The following WDR70 variants were observed in gnomAD, a reference collection of about 807,000 sequenced individuals.
WDR70 encodes the protein WD repeat domain 70.
In WDR70, 53 loss-of-function variants were observed where a neutral mutation model predicts 88.6. The ratio of observed to expected loss-of-function variants is 0.60; its 90% CI spans 0.48 to 0.75. The LOEUF is 0.75. Ranked by LOEUF, WDR70 falls within the 30% of genes least tolerant of loss-of-function variation. The probability of loss-of-function intolerance (pLI) is 0.00; values close to 1 mark genes in which losing one functional copy is unlikely to be tolerated. For synonymous variants in WDR70, 280 were observed against 270.0 expected, an observed-to-expected ratio of 1.04 and a Z score of -0.36; for missense variants, 610 against 823.2, an observed-to-expected ratio of 0.74 and a Z score of 3.17.
At position 37,480,072 on chromosome 5, in the gene WDR70, C is replaced by T. The variant is rs553678089; in HGVS notation, c.840+85C>T. On this transcript the variant is annotated intron_variant, in intron 8 of 17. Coordinates refer to ENST00000265107, the MANE Select transcript of WDR70 (RefSeq NM_018034.4). Reference sequence around the variant, plus strand: ...TTGAGTTATCATGTAATAATTTTCCCCAAAAGTTAGTGTCATAAAACAATA... The same window carrying T: ...TTGAGTTATCATGTAATAATTTTCCTCAAAAGTTAGTGTCATAAAACAATA... 5 of 1,493,482 alleles carry T rather than the reference C, an allele frequency of 3.3e-6. No individual in the cohort carries two copies. The South Asian group carries it at 6.7e-5, about 20-fold the overall frequency. 92.5% of individuals were successfully genotyped at this position (1,493,482 alleles called of 1,614,324 possible).
intron 16 of WDR70, 94 bp downstream of exon 16, chr5:37,725,144 C>A (rs191782236): frequency 2.1e-6 from 2 of 959,414 alleles, no homozygotes; most frequent in African/African-American, 1.7e-5. Context: ...GGCCTGGATG[C>A]TTCTTTGTCT....
chr5:37,404,181 A>G (rs957524106), intron 5 of WDR70, among the ~76,000 whole-genome samples: 2 of 152,204 alleles, frequency 1.3e-5, no homozygotes, highest in African/African-American at 4.8e-5. Flanking sequence ...TGTATTATTT[A>G]TAATAAAAGG....
intron 17 of WDR70, among the ~76,000 whole-genome samples, chr5:37,729,503 T>A (rs1286703189): frequency 6.6e-6 from 1 of 152,184 alleles, no homozygotes; most frequent in Non-Finnish European, 1.5e-5. Context: ...TGTAACTTCT[T>A]TCTCCGTTAA....
intron 10 of WDR70, among the ~76,000 whole-genome samples, chr5:37,650,939 A>C (rs1470831408): frequency 6.6e-6 from 1 of 151,192 alleles, no homozygotes; most frequent in Non-Finnish European, 1.5e-5. Context: ...TTCCTTTCAG[A>C]ACTTCAATCT....
chr5:37,414,771 A>C (rs1282487333), intron 5 of WDR70, among the ~76,000 whole-genome samples: 1 of 151,116 alleles, frequency 6.6e-6, no homozygotes. Context: ...CTTCTGATCT[A>C]GTCACAATTA....
chr5:37,711,017 G>C (rs1275700354), intron 13 of WDR70, among the ~76,000 whole-genome samples: 1 of 152,016 alleles, frequency 6.6e-6, no homozygotes, highest in Non-Finnish European at 1.5e-5. Context: ...CAGAGGGAGA[G>C]ACTGAATGGA....
At chr5:37,722,486 T>A (rs1164309242) in intron 14 of WDR70, 1 of 217,276 alleles carries the variant, frequency 4.6e-6, no homozygotes, top group Non-Finnish European at 9.3e-6. Flanking sequence ...CCCAGGTTGC[T>A]TTAGTCTGAG....
intron 8 of WDR70, among the ~76,000 whole-genome samples, chr5:37,499,004 G>A (rs766900835): frequency 1.9e-4 from 29 of 152,144 alleles, no homozygotes; most frequent in Non-Finnish European, 4.0e-4. Flanking sequence ...AATTGGTATT[G>A]TTAGTTTTTG....
At chr5:37,440,410 A>G (rs1750617749) in intron 6 of WDR70, among the ~76,000 whole-genome samples, 1 of 152,084 alleles carries the variant, frequency 6.6e-6, no homozygotes, top group Non-Finnish European at 1.5e-5. Context: ...CAGTGGTGCC[A>G]TCTCAGCTCA....
intron 8 of WDR70, among the ~76,000 whole-genome samples, chr5:37,484,783 T>C (rs1207274750): frequency 6.6e-6 from 1 of 152,228 alleles, no homozygotes; most frequent in Non-Finnish European, 1.5e-5. Context: ...AGATAGAGTC[T>C]AGGTATGTTT....
chr5:37,588,360 G>A (rs1393511276), intron 9 of WDR70, among the ~76,000 whole-genome samples: 1 of 152,036 alleles, frequency 6.6e-6, no homozygotes, highest in East Asian at 1.9e-4. Flanking sequence ...CTACACCCAA[G>A]GGTGTTATCT....
At chr5:37,718,373 A>G (rs1175309410) in intron 13 of WDR70, among the ~76,000 whole-genome samples, 1 of 152,152 alleles carries the variant, frequency 6.6e-6, no homozygotes, top group East Asian at 1.9e-4. Flanking sequence ...TATCAGGCCT[A>G]CATTGTGGAT....
At chr5:37,679,110 G>T (rs1206911908) in intron 10 of WDR70, among the ~76,000 whole-genome samples, 1 of 151,770 alleles carries the variant, frequency 6.6e-6, no homozygotes, top group African/African-American at 2.4e-5. Context: ...TCTCTGTATT[G>T]GTTATTCTAG....
chr5:37,740,063 TTGTATC>T (rs1748429465), intron 17 of WDR70, among the ~76,000 whole-genome samples: 1 of 152,216 alleles, frequency 6.6e-6, no homozygotes, highest in Non-Finnish European at 1.5e-5. Flanking sequence ...TTTTATCTCT[TTGTATC>T]TGTCGTTTTA....
chr5:37,704,773 G>A (rs1747272744), intron 13 of WDR70, among the ~76,000 whole-genome samples: 1 of 152,156 alleles, frequency 6.6e-6, no homozygotes, highest in Non-Finnish European at 1.5e-5. Context: ...TAGATCATGT[G>A]TAAATCTTCG....
At chr5:37,419,704 A>G (rs1749882512) in intron 5 of WDR70, among the ~76,000 whole-genome samples, 1 of 151,918 alleles carries the variant, frequency 6.6e-6, no homozygotes, top group African/African-American at 2.4e-5. Flanking sequence ...AATCCCTGCT[A>G]CTTGGGAGGC....
chr5:37,693,035 C>A lies in WDR70; in HGVS notation c.1093-4620C>A, dbSNP rs1236923996. Among the ~76,000 whole-genome samples, 3 of 152,024 alleles carry A rather than the reference C, an allele frequency of 2.0e-5. No individual in the cohort carries two copies. In the East Asian group the frequency reaches 5.8e-4, roughly 29 times the overall value. On this transcript the variant is annotated intron_variant, in intron 10 of 17. Coordinates refer to ENST00000265107, the MANE Select transcript of WDR70 (RefSeq NM_018034.4). ...CAGCAAACTCTCGGGATACAAAATC[C>A]ATGTGAAAAAATCACAAGCATTCCT...
intron 9 of WDR70, among the ~76,000 whole-genome samples, chr5:37,590,056 A>G (rs1743486128): frequency 6.6e-6 from 1 of 152,198 alleles, no homozygotes; most frequent in South Asian, 2.1e-4. Flanking sequence ...CCATTTGATC[A>G]ACTTCCTTAT....
intron 9 of WDR70, among the ~76,000 whole-genome samples, chr5:37,520,667 T>C (rs1463424364): frequency 1.3e-5 from 2 of 152,176 alleles, no homozygotes; most frequent in Non-Finnish European, 2.9e-5. Context: ...GCTGAATGAA[T>C]GAAAGGTTAA....
Sources: gnomAD v4.1 joint callset for allele counts (sites outside exome capture counted in the v4.1 genomes callset) on GRCh38, gnomAD v4.1.1 for gene constraint, MANE v1.5 for transcripts, NCBI Gene and HGNC (gene_info 2026-07-23, HGNC 2026-07-21) for gene names.